The following DCLK1 variants were observed in gnomAD, a reference collection of about 807,000 sequenced individuals.
DCLK1 encodes the protein doublecortin like kinase 1.
DCLK1 carries 16 observed loss-of-function variants against 86.2 expected under a neutral mutation model. The observed-to-expected ratio is 0.19, with a 90% confidence interval of 0.13 to 0.28. The LOEUF (loss-of-function observed/expected upper bound fraction) is 0.28, where lower values mean the gene tolerates loss of function less well. DCLK1 is among the 10% of genes least tolerant of loss of function. DCLK1 has a pLI of 1.00. For missense variants in DCLK1, 590 were observed against 940.2 expected, an observed-to-expected ratio of 0.63 and a Z score of 4.87; for synonymous variants, 369 against 370.5, an observed-to-expected ratio of 1.00 and a Z score of 0.05.
chr13:36,124,347 T>C (rs905541197), intron 2 of DCLK1, among the ~76,000 whole-genome samples: 1 of 152,162 alleles, frequency 6.6e-6, no homozygotes, highest in African/African-American at 2.4e-5. Flanking sequence ...ACCCTCTGAA[T>C]AGAAGGAAAA....
chr13:35,926,872 A>ACC (rs1242585243), intron 4 of DCLK1, among the ~76,000 whole-genome samples: 1 of 152,100 alleles, frequency 6.6e-6, no homozygotes, highest in African/African-American at 2.4e-5. Flanking sequence ...GGGACCCATG[A>ACC]CCCCCATCTC....
At chr13:35,873,514 A>G (rs1261315209) in intron 4 of DCLK1, among the ~76,000 whole-genome samples, 1 of 151,674 alleles carries the variant, frequency 6.6e-6, no homozygotes, top group African/African-American at 2.4e-5. Context: ...CCTCCCAAGT[A>G]GCTGGGACTA....
At chr13:35,855,733 G>A (rs865993770) in intron 5 of DCLK1, 25 of 1,369,686 alleles carry the variant, frequency 1.8e-5, no homozygotes, top group South Asian at 9.4e-5. Context: ...AGTGGGAGGT[G>A]CAGGTTCTGT....
intron 3 of DCLK1, among the ~76,000 whole-genome samples, chr13:36,037,551 T>C (rs976275958): frequency 6.6e-6 from 1 of 152,144 alleles, no homozygotes; most frequent in Non-Finnish European, 1.5e-5. Flanking sequence ...TGGTGCGATC[T>C]CAGCTCACTG....
In DCLK1 at chr13:35,826,540, A is replaced by AGGAAGGAAGGAAGGAAGG. The variant is rs1382422000; in HGVS notation, c.1407+1094_1407+1095insCCTTCCTTCCTTCCTTCC. Among the ~76,000 whole-genome samples the AGGAAGGAAGGAAGGAAGG allele has an allele frequency of 4.0e-3, 371 of 92,758 alleles. 117 individuals are homozygous for AGGAAGGAAGGAAGGAAGG. The highest frequency in any genetic ancestry group is 9.8e-3 in the Middle Eastern group (2 of 204). 60.9% of individuals were successfully genotyped at this position (92,758 alleles called of 152,430 possible). A position where few individuals can be genotyped will look rare whatever the true frequency, so the allele number is the denominator to read the frequency against. On this transcript the variant is annotated intron_variant, in intron 10 of 16. Coordinates refer to ENST00000360631, the MANE Select transcript of DCLK1 (RefSeq NM_001330071.2). ...CTCCATCTCAAAAAAAAAAAAAAAA[A>AGGAAGGAAGGAAGGAAGG]AAGAAAGAAAGAAAGAAAGAAACAA...
chr13:35,829,249 A>G (rs1223845085), intron 8 of DCLK1, among the ~76,000 whole-genome samples: 1 of 152,220 alleles, frequency 6.6e-6, no homozygotes, highest in African/African-American at 2.4e-5. Flanking sequence ...ATTTGTGCTA[A>G]CATTGCTAAG....
At chr13:36,034,543 T>A (rs1037998023) in intron 3 of DCLK1, among the ~76,000 whole-genome samples, 1 of 152,168 alleles carries the variant, frequency 6.6e-6, no homozygotes, top group Non-Finnish European at 1.5e-5. Flanking sequence ...AATTAAAAAA[T>A]TAGCCCAACA....
Position 35,805,753 on chromosome 13 carries a change from G to C in DCLK1, c.1890C>G (p.Val630=), listed in dbSNP as rs201223565. ...AKELITMMLL[V]DVDQRFSAVQ... ...CAGCAGAAAATCGCTGATCTACATC[G>C]ACCAACAGCATCATGGTAATGAGCT... is the stretch of plus-strand genomic sequence containing the variant. The change falls in exon 15 of 17, where the codon GTC becomes GTG. Residue 630 remains valine (V), a synonymous_variant. Transcript: ENST00000360631. 11 of 1,613,708 alleles carry C rather than the reference G, an allele frequency of 6.8e-6. No individual in the cohort carries two copies. The East Asian group carries it at 2.5e-4, about 36-fold the overall frequency.
chr13:35,808,660 G>A (rs1000875477), intron 13 of DCLK1, among the ~76,000 whole-genome samples: 2 of 152,128 alleles, frequency 1.3e-5, no homozygotes, highest in African/African-American at 4.8e-5. Context: ...GCGCACGCCT[G>A]TGATCCCAGC....
At chr13:35,958,429 C>A (rs2153136659) in intron 3 of DCLK1, among the ~76,000 whole-genome samples, 1 of 145,414 alleles carries the variant, frequency 6.9e-6, no homozygotes, top group East Asian at 2.0e-4. Context: ...ACCATCATCA[C>A]TATAACAACA....
chr13:36,049,620 T>C (rs914439598), intron 3 of DCLK1, among the ~76,000 whole-genome samples: 9 of 152,198 alleles, frequency 5.9e-5, no homozygotes, highest in Admixed American at 2.0e-4. Flanking sequence ...CCCTTTTATA[T>C]GATCTTTTGT....
At chr13:36,081,797 G>A (rs1250034109) in intron 3 of DCLK1, among the ~76,000 whole-genome samples, 1 of 152,164 alleles carries the variant, frequency 6.6e-6, no homozygotes, top group East Asian at 1.9e-4. Context: ...AAAAATTGTG[G>A]AGATAAAACA....
At chr13:36,046,925 C>T (rs556700338) in intron 3 of DCLK1, among the ~76,000 whole-genome samples, 5 of 152,338 alleles carry the variant, frequency 3.3e-5, no homozygotes, top group African/African-American at 1.2e-4. Flanking sequence ...TCATGACCTA[C>T]ATCACACTTC....
At chr13:35,890,839 T>C (rs1273819792) in intron 4 of DCLK1, among the ~76,000 whole-genome samples, 1 of 151,520 alleles carries the variant, frequency 6.6e-6, no homozygotes, top group Non-Finnish European at 1.5e-5. Flanking sequence ...GGACTTTCTC[T>C]CTTGTAAATT....
At chr13:35,962,965 G>A (rs1184170230) in intron 3 of DCLK1, among the ~76,000 whole-genome samples, 1 of 152,160 alleles carries the variant, frequency 6.6e-6, no homozygotes, top group East Asian at 1.9e-4. Flanking sequence ...TCAGAAGAGT[G>A]AACTAAGAAT....
At chr13:35,925,193 A>T (rs1342936522) in intron 4 of DCLK1, among the ~76,000 whole-genome samples, 1 of 152,166 alleles carries the variant, frequency 6.6e-6, no homozygotes, top group African/African-American at 2.4e-5. Flanking sequence ...GTCTTTGGAA[A>T]CCTATTGGGC....
At chr13:36,000,456 G>A (rs887700725) in intron 3 of DCLK1, among the ~76,000 whole-genome samples, 2 of 152,098 alleles carry the variant, frequency 1.3e-5, no homozygotes, top group Non-Finnish European at 2.9e-5. Context: ...ATCACCTAAT[G>A]GCTTTGGATT....
chr13:35,968,392 G>C (rs1206880733), intron 3 of DCLK1, among the ~76,000 whole-genome samples: 1 of 152,156 alleles, frequency 6.6e-6, no homozygotes, highest in Non-Finnish European at 1.5e-5. Context: ...GACCAGTGAG[G>C]GTCACCTGTT....
chr13:35,919,872 C>A (rs1168066102), intron 4 of DCLK1, among the ~76,000 whole-genome samples: 2 of 118,770 alleles, frequency 1.7e-5, no homozygotes, highest in African/African-American at 6.8e-5. Context: ...TTCCTCTGTA[C>A]AATGAGGATA....
Sources: allele counts gnomAD v4.1 joint callset (sites outside exome capture counted in the v4.1 genomes callset), GRCh38; gene constraint gnomAD v4.1.1; transcripts MANE v1.5; gene names NCBI Gene and HGNC (gene_info 2026-07-23, HGNC 2026-07-21).